Variants in GPRC5B observed in about 807,000 individuals in gnomAD.
GPRC5B encodes G protein-coupled receptor family C group 5 member B.
Under a neutral mutation model 30.1 loss-of-function variants are expected in GPRC5B, and 16 were observed. That is an observed-to-expected ratio of 0.53 (90% CI 0.36 to 0.81). The LOEUF (loss-of-function observed/expected upper bound fraction) is 0.81, where lower values mean the gene tolerates loss of function less well. Ranked by LOEUF, GPRC5B falls within the 30% of genes least tolerant of loss-of-function variation. The probability of loss-of-function intolerance (pLI) is 0.01; values close to 1 mark genes in which losing one functional copy is unlikely to be tolerated. For missense variants in GPRC5B, 428 were observed against 544.7 expected, an observed-to-expected ratio of 0.79 and a Z score of 2.13; for synonymous variants, 241 against 239.5, an observed-to-expected ratio of 1.01 and a Z score of -0.06.
At chr16:19,878,857 C>T (rs909785371) in intron 1 of GPRC5B, among the ~76,000 whole-genome samples, 7 of 152,160 alleles carry the variant, frequency 4.6e-5, no homozygotes, top group African/African-American at 7.2e-5. Context: ...GTTTGGTTCT[C>T]GGGCTGGCAA....
intron 2 of GPRC5B, among the ~76,000 whole-genome samples, chr16:19,871,537 A>C (rs1332248990): frequency 6.6e-6 from 1 of 152,172 alleles, no homozygotes; most frequent in Non-Finnish European, 1.5e-5. Context: ...CAGCAGAATC[A>C]CTTGAACCCA....
chr16:19,866,877 A>G (rs1223626510), intron 2 of GPRC5B, among the ~76,000 whole-genome samples: 1 of 152,224 alleles, frequency 6.6e-6, no homozygotes, highest in Non-Finnish European at 1.5e-5. Context: ...CACCTTATTG[A>G]TAAGTCTGGA....
intron 1 of GPRC5B, 112 bp downstream of exon 1, chr16:19,884,615 G>A (rs985688989): frequency 3.9e-6 from 3 of 775,924 alleles, no homozygotes; most frequent in Non-Finnish European, 4.7e-6. Context: ...GGTTGGGGGG[G>A]CGCTTAGAAA....
rs532578479 is a variant in GPRC5B at position 19,858,747 on chromosome 16, C to T, written c.*1753G>A. ...TGACTGGAACGGGATTCTCTAGAAG[C>T]AAGCACATGCTCTGGGCAGAGGCGG... On this transcript the variant is annotated 3_prime_UTR_variant, in exon 4 of 4. Transcript: ENST00000300571. 2 of 433,976 alleles carry T rather than the reference C, an allele frequency of 4.6e-6. No homozygotes were observed. Among genetic ancestry groups the T allele is most frequent in the South Asian group, 6.6e-5 (1 of 15,218 alleles). The allele number at this position is 433,976 out of a possible 1,614,324, so 26.9% of individuals were successfully genotyped here. A position where few individuals can be genotyped will look rare whatever the true frequency, so the allele number is the denominator to read the frequency against.
chr16:19,866,318 G>A (rs1250317720), intron 2 of GPRC5B, among the ~76,000 whole-genome samples: 2 of 152,016 alleles, frequency 1.3e-5, no homozygotes, highest in Non-Finnish European at 2.9e-5. Context: ...CGTTGCCCCT[G>A]GGCAAAGGGA....
At chr16:19,880,589 G>T (rs1597635893) in intron 1 of GPRC5B, among the ~76,000 whole-genome samples, 1 of 152,174 alleles carries the variant, frequency 6.6e-6, no homozygotes, top group Non-Finnish European at 1.5e-5. Flanking sequence ...CCCTCTTGGG[G>T]TGGTTGGCCC....
upstream of GPRC5B, chr16:19,884,956 C>A: frequency 1.2e-6 from 1 of 827,758 alleles, no homozygotes; most frequent in South Asian, 5.4e-5. Flanking sequence ...CGCCCCCGGG[C>A]CTCCGAGCCC....
intron 2 of GPRC5B, among the ~76,000 whole-genome samples, chr16:19,866,433 T>C (rs2056667415): frequency 1.3e-5 from 2 of 152,130 alleles, no homozygotes; most frequent in South Asian, 4.1e-4. Context: ...CTCAGCTCAC[T>C]GTAACCTCTG....
rs2141132251 is a variant in GPRC5B, at chr16:19,856,842, A to G, written c.*3658T>C. ...TACACCAGCTGCTGTTAAAATGTAC[A>G]ATGAACTCTAGTCCCAAGGAATACA... On this transcript the variant is annotated 3_prime_UTR_variant, in exon 4 of 4. Coordinates refer to ENST00000300571, the MANE Select transcript of GPRC5B (RefSeq NM_016235.3). The G allele has an allele frequency of 2.9e-6, 1 of 340,260 alleles. No homozygotes were observed. Among genetic ancestry groups the G allele is most frequent in the Admixed American group, 4.8e-5 (1 of 20,972 alleles). 21.1% of individuals were successfully genotyped at this position (340,260 alleles called of 1,614,324 possible). A position where few individuals can be genotyped will look rare whatever the true frequency, so the allele number is the denominator to read the frequency against.
At chr16:19,884,423 C>T (rs1251183493) in intron 1 of GPRC5B, among the ~76,000 whole-genome samples, 5 of 151,434 alleles carry the variant, frequency 3.3e-5, no homozygotes, top group African/African-American at 4.9e-5. Flanking sequence ...CACCTGTGGT[C>T]GCCCCCACAC....
rs2141134222 is a variant in GPRC5B at position 19,858,015 on chromosome 16, A to G, written c.*2485T>C. 1 of 153,248 alleles carries G rather than the reference A, an allele frequency of 6.5e-6. No homozygotes were observed. The highest frequency in any genetic ancestry group is 2.4e-5 in the African/African-American group (1 of 41,618). The allele number at this position is 153,248 out of a possible 1,614,324, so 9.5% of individuals were successfully genotyped here. On this transcript the variant is annotated 3_prime_UTR_variant, in exon 4 of 4. Coordinates refer to ENST00000300571, the MANE Select transcript of GPRC5B (RefSeq NM_016235.3). The stretch of plus-strand genomic sequence containing the variant: ...TTTGTGCTTACAATGAGAGATTTTG[A>G]TCACAGATGCTCTCCTCCCGGGTCG...
chr16:19,878,590 G>T (rs1372517986), intron 1 of GPRC5B, among the ~76,000 whole-genome samples: 1 of 152,046 alleles, frequency 6.6e-6, no homozygotes, highest in African/African-American at 2.4e-5. Context: ...CACCACACTG[G>T]GCCAGATTAT....
chr16:19,879,270 C>T (rs142909811), intron 1 of GPRC5B, among the ~76,000 whole-genome samples: 27 of 152,248 alleles, frequency 1.8e-4, no homozygotes, highest in African/African-American at 5.5e-4. Flanking sequence ...GGGATGCAGG[C>T]GTGCGCTTCT....
At chr16:19,881,929 G>C (rs1041866823) in intron 1 of GPRC5B, among the ~76,000 whole-genome samples, 25 of 152,172 alleles carry the variant, frequency 1.6e-4, no homozygotes, top group Non-Finnish European at 2.8e-4. Flanking sequence ...AGGCGTTTCT[G>C]CTGCATCCCT....
rs1392753084 is a variant in GPRC5B at position 19,858,469 on chromosome 16, G to T, written c.*2031C>A. 4 of 682,056 alleles carry T rather than the reference G, an allele frequency of 5.9e-6. No homozygotes were observed. The allele number at this position is 682,056 out of a possible 1,614,324, so 42.3% of individuals were successfully genotyped here. The stretch of plus-strand genomic sequence containing the variant: ...ACAATAAAGAACTTAGAAAACGAAC[G>T]TGTGAATTGCTCCATCGTGTGAATG... On this transcript the variant is annotated 3_prime_UTR_variant, in exon 4 of 4. Coordinates refer to ENST00000300571, the MANE Select transcript of GPRC5B (RefSeq NM_016235.3).
At chr16:19,874,886 C>T (rs2056749468) in intron 1 of GPRC5B, 2 of 150,618 alleles carry the variant, frequency 1.3e-5, no homozygotes, top group African/African-American at 4.9e-5. Context: ...TCTAACGGCC[C>T]CTTGCTTTTG....
At chr16:19,862,019 C>A in intron 2 of GPRC5B, 46 bp from the exon 3 acceptor site, 1 of 1,608,172 alleles carries the variant, frequency 6.2e-7, no homozygotes. Context: ...AAAAAAAAGA[C>A]ACAATTTTGT....
rs555955167 is a variant in GPRC5B, at chr16:19,869,583, C to G, written c.1030+2233G>C. ...GGGGATTTGGGTTCCTGTATCACATCCCCTAGGTAGGTCCTATTGGGTTCC... is the reference window on the plus strand; with the variant it reads ...GGGGATTTGGGTTCCTGTATCACATGCCCTAGGTAGGTCCTATTGGGTTCC... On this transcript the variant is annotated intron_variant, in intron 2 of 3. Coordinates refer to ENST00000300571, the MANE Select transcript of GPRC5B (RefSeq NM_016235.3). 4.6e-5 allele frequency among the ~76,000 whole-genome samples: 7 copies of G among 152,186 alleles called. No individual in the cohort carries two copies. In the South Asian group the frequency reaches 1.5e-3, roughly 32 times the overall value.
chr16:19,871,806 CCCA>C lies in GPRC5B; in HGVS notation c.1030+7_1030+9del. ...CCCGGCCTGACCCAGCCGGGTGGTG[CCCA>C]CTTTACCTGCATTGTGTTCATCCAT... On this transcript the variant is annotated splice_region_variant and intron_variant, in intron 2 of 3. Transcript: ENST00000300571. 1 of 1,607,532 alleles carries C rather than the reference CCCA, an allele frequency of 6.2e-7. No individual in the cohort carries two copies. Among genetic ancestry groups the C allele is most frequent in the Non-Finnish European group, 8.5e-7 (1 of 1,174,890 alleles).
Sources: gnomAD v4.1 joint callset for allele counts (sites outside exome capture counted in the v4.1 genomes callset) on GRCh38, gnomAD v4.1.1 for gene constraint, MANE v1.5 for transcripts, NCBI Gene and HGNC (gene_info 2026-07-23, HGNC 2026-07-21) for gene names.